Variants in VSIG10 observed in about 807,000 individuals in gnomAD.
VSIG10 encodes V-set and immunoglobulin domain containing 10.
In VSIG10, 48 loss-of-function variants were observed where a neutral mutation model predicts 58.7. The observed-to-expected ratio is 0.82, with a 90% CI of 0.65 to 1.04. VSIG10 has a LOEUF of 1.04. VSIG10 is among the 50% of genes least tolerant of loss of function. The pLI is 0.00. For missense variants in VSIG10, 628 were observed against 670.0 expected (o/e 0.94, Z 0.69); for synonymous variants, 260 against 267.1 (o/e 0.97, Z 0.26).
intron 1 of VSIG10, among the ~76,000 whole-genome samples, chr12:118,098,263 C>T (rs796261797): frequency 6.9e-6 from 1 of 145,276 alleles, no homozygotes; most frequent in African/African-American, 2.7e-5. Flanking sequence ...CCCTCTCTCT[C>T]CGCCTCTCCC....
intron 5 of VSIG10, 97 bp downstream of exon 5, chr12:118,073,602 A>T (rs907812977): frequency 2.1e-6 from 3 of 1,395,554 alleles, no homozygotes; most frequent in Non-Finnish European, 2.9e-6. Context: ...GTTGGCAGTG[A>T]CCCATGTGTA....
intron 7 of VSIG10, 83 bp from the exon 8 acceptor site, chr12:118,068,680 T>A: frequency 2.8e-6 from 4 of 1,421,270 alleles, no homozygotes; most frequent in Non-Finnish European, 3.7e-6. Flanking sequence ...AACACTAGAT[T>A]CTTTGCAACC....
chr12:118,075,174 A>G (rs7972167), intron 4 of VSIG10, among the ~76,000 whole-genome samples: 2 of 113,676 alleles, frequency 1.8e-5, no homozygotes, highest in East Asian at 3.7e-4. Context: ...ATATATATGT[A>G]TATATGTGTG....
intron 2 of VSIG10, among the ~76,000 whole-genome samples, chr12:118,085,202 G>A (rs1029970868): frequency 6.6e-6 from 1 of 152,148 alleles, no homozygotes; most frequent in Non-Finnish European, 1.5e-5. Context: ...CACAGACAAA[G>A]AGCTGTTGGT....
intron 2 of VSIG10, among the ~76,000 whole-genome samples, chr12:118,091,074 G>T (rs569332804): frequency 6.6e-6 from 1 of 152,164 alleles, no homozygotes; most frequent in African/African-American, 2.4e-5. Context: ...AGCAGAGGTT[G>T]CAGTGAGCCA....
intron 2 of VSIG10, among the ~76,000 whole-genome samples, chr12:118,086,927 A>AT (rs1427316187): frequency 1.3e-5 from 2 of 151,914 alleles, no homozygotes; most frequent in Non-Finnish European, 2.9e-5. Flanking sequence ...CGCCCAGCTA[A>AT]TTTTTTTGTA....
intron 5 of VSIG10, among the ~76,000 whole-genome samples, chr12:118,073,468 T>C (rs2032580819): frequency 6.6e-6 from 1 of 152,108 alleles, no homozygotes. Flanking sequence ...TAGATATCTA[T>C]TCGTTGGTGT....
chr12:118,088,180 G>A (rs1372645297), intron 2 of VSIG10, among the ~76,000 whole-genome samples: 1 of 150,592 alleles, frequency 6.6e-6, no homozygotes, highest in Non-Finnish European at 1.5e-5. Flanking sequence ...GGGAGGCGGA[G>A]GCTGCAGTGA....
intron 1 of VSIG10, among the ~76,000 whole-genome samples, chr12:118,096,714 C>A (rs2033471122): frequency 6.6e-6 from 1 of 150,718 alleles, no homozygotes. Context: ...AGCCACCGTG[C>A]CTGACCATAT....
Position 118,100,108 on chromosome 12 carries a change from G to A in VSIG10, c.79+3485C>T, listed in dbSNP as rs933745527. ...GTGAGGGCCGGGGGCGGTGGCTCAC[G>A]CCTGTAATCCCAGCATTTTGGGAGG... On this transcript the variant is annotated intron_variant, in intron 1 of 8. Transcript: ENST00000359236. Among the ~76,000 whole-genome samples the A allele has an allele frequency of 3.9e-5, 6 of 152,286 alleles. No individual in the cohort carries two copies. The East Asian group carries it at 5.8e-4, about 15-fold the overall frequency.
At chr12:118,076,925 C>T (rs993921509) in intron 4 of VSIG10, among the ~76,000 whole-genome samples, 1 of 152,196 alleles carries the variant, frequency 6.6e-6, no homozygotes, top group African/African-American at 2.4e-5. Context: ...TCCCAAAGTG[C>T]TGGGATTACA....
At chr12:118,078,190 A>C (rs1287147966) in intron 4 of VSIG10, among the ~76,000 whole-genome samples, 1 of 151,974 alleles carries the variant, frequency 6.6e-6, no homozygotes, top group Non-Finnish European at 1.5e-5. Context: ...ATGGAGTCTC[A>C]CTCCATCGCC....
chr12:118,070,327 C>A (rs953005139), intron 7 of VSIG10, among the ~76,000 whole-genome samples: 1 of 152,032 alleles, frequency 6.6e-6, no homozygotes. Flanking sequence ...GCGGGCAGAC[C>A]ACTTGAGGCC....
At chr12:118,085,549 A>C (rs1250230148) in intron 2 of VSIG10, among the ~76,000 whole-genome samples, 1 of 152,226 alleles carries the variant, frequency 6.6e-6, no homozygotes, top group African/African-American at 2.4e-5. Flanking sequence ...ATAAGAGACA[A>C]TATCTTTAAG....
chr12:118,093,810 G>A (rs528181216), intron 2 of VSIG10, among the ~76,000 whole-genome samples: 2 of 152,222 alleles, frequency 1.3e-5, no homozygotes, highest in East Asian at 3.9e-4. Flanking sequence ...TTGGGAGGCT[G>A]AGGCAGGAGA....
chr12:118,101,743 C>T (rs529218422), intron 1 of VSIG10: 2 of 152,098 alleles, frequency 1.3e-5, no homozygotes, highest in Non-Finnish European at 2.9e-5. Flanking sequence ...TCCCCAAAAA[C>T]TCCCAACTTA....
chr12:118,100,091 C>T (rs2033583735), intron 1 of VSIG10, among the ~76,000 whole-genome samples: 1 of 152,196 alleles, frequency 6.6e-6, no homozygotes, highest in Non-Finnish European at 1.5e-5. Flanking sequence ...AGGTGAGGGC[C>T]GGGGGCGGTG....
chr12:118,073,663 AACCC>A, intron 5 of VSIG10, 32 bp downstream of exon 5: 6 of 1,559,396 alleles, frequency 3.8e-6, no homozygotes, highest in Non-Finnish European at 5.2e-6. Context: ...TGAAGCTCTG[AACCC>A]TCCCTCCTTC....
chr12:118,070,950 A>C (rs2032465913), intron 7 of VSIG10, 102 bp downstream of exon 7: 2 of 1,392,304 alleles, frequency 1.4e-6, no homozygotes, highest in South Asian at 2.5e-5. Flanking sequence ...GTAGGTCCTC[A>C]ATGGTAGTTG....
Sources: allele counts gnomAD v4.1 joint callset (sites outside exome capture counted in the v4.1 genomes callset), GRCh38; gene constraint gnomAD v4.1.1; transcripts MANE v1.5; gene names NCBI Gene and HGNC (gene_info 2026-07-23, HGNC 2026-07-21).